The following GRIN3A variants were observed in gnomAD, a reference collection of about 807,000 sequenced individuals.
GRIN3A encodes glutamate receptor ionotropic, NMDA 3A.
A neutral mutation model predicts 92.4 loss-of-function variants in GRIN3A; 47 were observed. That is an observed-to-expected ratio of 0.51 (90% confidence interval 0.40 to 0.65). GRIN3A has a LOEUF of 0.65. Ranked by LOEUF, GRIN3A falls within the 30% of genes least tolerant of loss-of-function variation. The pLI is 0.00. For synonymous variants in GRIN3A, 527 were observed against 540.6 expected (o/e 0.97, Z 0.35); for missense variants, 1,324 against 1,393.1 (o/e 0.95, Z 0.79).
chr9:101,646,625 C>T (rs1828942007), intron 3 of GRIN3A, among the ~76,000 whole-genome samples: 1 of 151,748 alleles, frequency 6.6e-6, no homozygotes, highest in African/African-American at 2.4e-5. Context: ...AACATTTTAA[C>T]AATATTAATT....
At chr9:101,675,935 A>G (rs1014968564) in intron 2 of GRIN3A, among the ~76,000 whole-genome samples, 3 of 152,020 alleles carry the variant, frequency 2.0e-5, no homozygotes, top group African/African-American at 7.2e-5. Context: ...AAGTTAAATA[A>G]AAATCTTCCA....
intron 7 of GRIN3A, 142 bp downstream of exon 7, chr9:101,579,054 C>T: frequency 1.2e-6 from 1 of 800,758 alleles, no homozygotes; most frequent in Non-Finnish European, 2.1e-6. Flanking sequence ...GAGAGAATTC[C>T]TTCTGCTCTA....
At chr9:101,673,188 C>G (rs11790837) in intron 2 of GRIN3A, among the ~76,000 whole-genome samples, 50,767 of 151,834 alleles carry the variant, frequency 0.33, 9,384 homozygotes, top group Non-Finnish European at 0.41. Context: ...TGAGAGAGTA[C>G]CTTTGACCAA....
intron 2 of GRIN3A, among the ~76,000 whole-genome samples, chr9:101,677,192 A>C (rs1829409208): frequency 6.6e-6 from 1 of 151,786 alleles, no homozygotes. Flanking sequence ...CCATGTGTAT[A>C]TTTCTTATTT....
chr9:101,626,111 C>T (rs1459836239), intron 4 of GRIN3A, among the ~76,000 whole-genome samples: 6 of 152,170 alleles, frequency 3.9e-5, no homozygotes, highest in African/African-American at 1.4e-4. Flanking sequence ...TTACAAGTAG[C>T]TTCTAGATTG....
intron 6 of GRIN3A, among the ~76,000 whole-genome samples, chr9:101,603,352 GAGAGAACATTTGTCA>G (rs959849650): frequency 1.4e-4 from 21 of 152,142 alleles, no homozygotes; most frequent in African/African-American, 4.1e-4. Flanking sequence ...ATCAGGGAAG[GAGAGAACATTTGTCA>G]AGCCAGGTGT....
intron 8 of GRIN3A, among the ~76,000 whole-genome samples, chr9:101,573,868 C>T (rs905581192): frequency 3.5e-5 from 5 of 142,296 alleles, no homozygotes; most frequent in South Asian, 4.6e-4. Context: ...CACCTTGAAA[C>T]GTTTGATGAT....
chr9:101,691,637 A>T (rs1829622246), intron 1 of GRIN3A, among the ~76,000 whole-genome samples: 1 of 152,208 alleles, frequency 6.6e-6, no homozygotes, highest in African/African-American at 2.4e-5. Context: ...CTAGTCTCAG[A>T]TAAATGGTTG....
At position 101,573,414 on chromosome 9, in the gene GRIN3A, G is replaced by C. The variant is rs754957771; in HGVS notation, c.3108C>G (p.Asn1036Lys). 2.5e-6 allele frequency: 4 copies of C among 1,614,074 alleles called. No individual in the cohort carries two copies. The highest frequency in any genetic ancestry group is 3.4e-6 in the Non-Finnish European group (4 of 1,179,970). Reference protein sequence around the residue: ...KYIFSDEEGQNQLGIRIHQDI... With the variant: ...KYIFSDEEGQKQLGIRIHQDI... Reference sequence around the variant, plus strand: ...CCTGGTGGATCCGGATGCCCAGCTGGTTTTGTCCTTCCTCATCACTAAAGA... The same window carrying C: ...CCTGGTGGATCCGGATGCCCAGCTGCTTTTGTCCTTCCTCATCACTAAAGA... The change falls in exon 9 of 9, where the codon AAC becomes AAG. Residue 1036 changes from asparagine to lysine, a missense_variant. Transcript: ENST00000361820.
chr9:101,671,042 A>G lies in GRIN3A; in HGVS notation c.1370T>C (p.Val457Ala), dbSNP rs1829312496. ...GSIRVKGSTI[V>A]SSENNFFIWN... ...GATGAAAAAGTTGTTTTCTGAGCTG[A>G]CGATGGTGGAACCTTTTACTCTGAT... The change falls in exon 3 of 9, where the codon GTC (valine) becomes GCC (alanine). Residue 457 changes from valine to alanine, a missense_variant. By Grantham distance (64) the Val-to-Ala change is moderately conservative. Coordinates refer to ENST00000361820, the MANE Select transcript of GRIN3A (RefSeq NM_133445.3). 6.2e-7 allele frequency: 1 copy of G among 1,613,936 alleles called. No individual in the cohort carries two copies. The highest frequency in any genetic ancestry group is 8.5e-7 in the Non-Finnish European group (1 of 1,179,870).
rs1231870992 is a variant in GRIN3A, at chr9:101,686,672, G to A, written c.1228C>T (p.Leu410Phe). Reference protein sequence around the residue: ...VATATMIQPELALIPSTMNCM... With the variant: ...VATATMIQPEFALIPSTMNCM... ...TTCATCGTGCTGGGAATGAGAGCAA[G>A]TTCTGGTTGGATCATGGTGGCTGTG... The change falls in exon 2 of 9, where the codon CTT becomes TTT. Residue 410 changes from leucine (L) to phenylalanine (F), a missense_variant. By Grantham distance (22) the Leu-to-Phe change is conservative. Transcript: ENST00000361820. The A allele has an allele frequency of 1.7e-5, 28 of 1,614,076 alleles. No individual in the cohort carries two copies. Among genetic ancestry groups the A allele is most frequent in the Non-Finnish European group, 2.4e-5 (28 of 1,180,036 alleles).
intron 6 of GRIN3A, among the ~76,000 whole-genome samples, chr9:101,611,740 A>G (rs992954217): frequency 2.0e-5 from 3 of 152,212 alleles, no homozygotes; most frequent in Non-Finnish European, 4.4e-5. Flanking sequence ...AACTCAATTG[A>G]GTATATGTTT....
In GRIN3A at chr9:101,715,803, T is replaced by C. The variant is rs34225830; in HGVS notation, c.699+21478A>G. Among the ~76,000 whole-genome samples the C allele has an allele frequency of 1.6e-3, 249 of 152,252 alleles. 2 individuals carry two copies. Among genetic ancestry groups the C allele is most frequent in the African/African-American group, 5.7e-3 (239 of 41,570 alleles). On this transcript the variant is annotated intron_variant, in intron 1 of 8. Coordinates refer to ENST00000361820, the MANE Select transcript of GRIN3A (RefSeq NM_133445.3). ...AGTGTAATAGACCCTTGAATTACAA[T>C]GGCAAATAAAACAGAAAACAATAAC...
At chr9:101,575,901 C>A (rs932284799) in intron 8 of GRIN3A, among the ~76,000 whole-genome samples, 4 of 152,178 alleles carry the variant, frequency 2.6e-5, no homozygotes, top group African/African-American at 9.7e-5. Context: ...GTAAAGATAG[C>A]TGGACTGGTC....
chr9:101,677,345 C>T (rs112183664), intron 2 of GRIN3A, among the ~76,000 whole-genome samples: 72 of 151,994 alleles, frequency 4.7e-4, no homozygotes, highest in Non-Finnish European at 9.0e-4. Context: ...CTTTAATACT[C>T]TTTATTTTAT....
At chr9:101,726,238 T>C (rs1003640730) in intron 1 of GRIN3A, among the ~76,000 whole-genome samples, 2 of 152,144 alleles carry the variant, frequency 1.3e-5, no homozygotes, top group African/African-American at 4.8e-5. Flanking sequence ...GTCAGATAAA[T>C]TGATTAGAGT....
chr9:101,578,204 G>A (rs1174632384), intron 7 of GRIN3A, among the ~76,000 whole-genome samples: 1 of 152,146 alleles, frequency 6.6e-6, no homozygotes. Context: ...CCAAAACAAA[G>A]AAGGGAAGGA....
At chr9:101,617,633 G>C (rs571741094) in intron 5 of GRIN3A, among the ~76,000 whole-genome samples, 1 of 142,358 alleles carries the variant, frequency 7.0e-6, no homozygotes, top group African/African-American at 2.8e-5. Flanking sequence ...TATTTATTTT[G>C]TGTGTGTGTG....
intron 2 of GRIN3A, among the ~76,000 whole-genome samples, chr9:101,674,326 A>G (rs1175182048): frequency 2.0e-5 from 3 of 152,114 alleles, no homozygotes; most frequent in South Asian, 4.1e-4. Context: ...ACATAAGTCC[A>G]CATGTGAGGA....
Sources: gnomAD v4.1 joint callset for allele counts (sites outside exome capture counted in the v4.1 genomes callset) on GRCh38, gnomAD v4.1.1 for gene constraint, MANE v1.5 for transcripts, NCBI Gene and HGNC (gene_info 2026-07-23, HGNC 2026-07-21) for gene names.